Variants in AKAP6 observed in about 807,000 individuals in gnomAD.
AKAP6 encodes A-kinase anchor protein 6.
In AKAP6, 58 loss-of-function variants were observed where a neutral mutation model predicts 188.5. That is an observed-to-expected ratio of 0.31 (90% CI 0.25 to 0.38). The LOEUF (loss-of-function observed/expected upper bound fraction) is 0.38, where lower values mean the gene tolerates loss of function less well. Among genes scored for constraint, AKAP6 ranks in the 10% least tolerant of loss-of-function variants. AKAP6 has a pLI of 1.00. For missense variants in AKAP6, 2,710 were observed against 2,740.0 expected, an observed-to-expected ratio of 0.99 and a Z score of 0.24; for synonymous variants, 989 against 998.6, an observed-to-expected ratio of 0.99 and a Z score of 0.18.
At chr14:32,354,842 A>AGT (rs143130001) in intron 1 of AKAP6, among the ~76,000 whole-genome samples, 9,603 of 152,252 alleles carry the variant, frequency 0.063, 401 homozygotes, top group Non-Finnish European at 0.082. Flanking sequence ...CTGTTTGCCT[A>AGT]GTGTCCTTTT....
chr14:32,786,324 T>TTTTTTTTTTTTTTTTTTTTTTTG (rs1555362343), intron 12 of AKAP6, among the ~76,000 whole-genome samples: 1 of 127,728 alleles, frequency 7.8e-6, no homozygotes. Flanking sequence ...TTTTTTTTTT[T>TTTTTTTTTTTTTTTTTTTTTTTG]TGAGACGGAA....
At chr14:32,401,083 A>C (rs894267592) in intron 1 of AKAP6, among the ~76,000 whole-genome samples, 3 of 152,182 alleles carry the variant, frequency 2.0e-5, no homozygotes, top group Non-Finnish European at 2.9e-5. Flanking sequence ...ATGTAAGGAC[A>C]TGATGCCTAG....
chr14:32,696,542 C>T (rs1275390439), intron 9 of AKAP6, among the ~76,000 whole-genome samples: 1 of 152,176 alleles, frequency 6.6e-6, no homozygotes, highest in Non-Finnish European at 1.5e-5. Flanking sequence ...CTTGCTGCTG[C>T]CAAAGTACAG....
Position 32,767,366 on chromosome 14 carries a change from G to A in AKAP6, c.3373-6312G>A, listed in dbSNP as rs182625978. ...TCTGTCATATCACCCTGTTTTATTT[G>A]ATAGCTTTTAGCACTATCTGATATT... On this transcript the variant is annotated intron_variant, in intron 11 of 13. Coordinates refer to ENST00000280979, the MANE Select transcript of AKAP6 (RefSeq NM_004274.5). Among the ~76,000 whole-genome samples the A allele has an allele frequency of 1.7e-3, 260 of 152,176 alleles. 1 individual carries two copies. Among genetic ancestry groups the A allele is most frequent in the Non-Finnish European group, 2.6e-3 (176 of 67,972 alleles).
intron 1 of AKAP6, among the ~76,000 whole-genome samples, chr14:32,384,138 A>G (rs141434735): frequency 1.1e-4 from 17 of 152,342 alleles, no homozygotes; most frequent in East Asian, 9.6e-4. Flanking sequence ...GGTAAATGCT[A>G]TGATGGCGCA....
At chr14:32,395,783 G>A (rs1408185263) in intron 1 of AKAP6, among the ~76,000 whole-genome samples, 1 of 152,020 alleles carries the variant, frequency 6.6e-6, no homozygotes, top group Non-Finnish European at 1.5e-5. Flanking sequence ...CATTACTTTG[G>A]CATTTGTAAC....
At chr14:32,795,979 A>G (rs1007959888) in intron 12 of AKAP6, among the ~76,000 whole-genome samples, 1 of 152,174 alleles carries the variant, frequency 6.6e-6, no homozygotes, top group Non-Finnish European at 1.5e-5. Flanking sequence ...GCATTTCTAT[A>G]TACCAACAAC....
intron 7 of AKAP6, among the ~76,000 whole-genome samples, chr14:32,645,170 T>C (rs1887932197): frequency 6.6e-6 from 1 of 152,198 alleles, no homozygotes. Flanking sequence ...TGACTCTGTA[T>C]ATAGGAAAAT....
At chr14:32,585,269 A>G (rs1885182658) in intron 5 of AKAP6, among the ~76,000 whole-genome samples, 1 of 152,212 alleles carries the variant, frequency 6.6e-6, no homozygotes. Flanking sequence ...CAGTAAGAAT[A>G]AGTGAAGTCA....
At position 32,822,130 on chromosome 14, in the gene AKAP6, A is replaced by C; in HGVS notation, c.4317A>C (p.Lys1439Asn). ...CACCAGTGGGTTGTGTAAATGGAAA[A>C]GTTGGAGATTTAAACAGTATTACCA... The part of the protein sequence containing the change: ...SISPVGCVNG[K>N]VGDLNSITKH... The change falls in exon 13 of 14, where the codon AAA becomes AAC. Residue 1439 changes from lysine (K) to asparagine (N), a missense_variant. This residue lies in a region of AKAP6 where 2,473 missense variants were observed against 2,426.1 expected (regional missense o/e 1.02). Transcript: ENST00000280979. 6.2e-7 allele frequency: 1 copy of C among 1,613,912 alleles called. No individual in the cohort carries two copies. The highest frequency in any genetic ancestry group is 8.5e-7 in the Non-Finnish European group (1 of 1,179,932).
In AKAP6 at chr14:32,735,796, G is replaced by T. The variant is rs928744113; in HGVS notation, c.3286G>T (p.Asp1096Tyr). 1.9e-6 allele frequency: 3 copies of T among 1,613,412 alleles called. No individual in the cohort carries two copies. Among genetic ancestry groups the T allele is most frequent in the Non-Finnish European group, 1.7e-6 (2 of 1,179,680 alleles). The change falls in exon 11 of 14, where the codon GAT (aspartate) becomes TAT (tyrosine). Residue 1096 changes from aspartate (D) to tyrosine (Y), a missense_variant. This residue lies in a region of AKAP6 where 2,473 missense variants were observed against 2,426.1 expected (regional missense o/e 1.02). Transcript: ENST00000280979. ...RIKELKGWLR[D>Y]TELFIFNSCL... ...CAAAGAACTGAAAGGATGGCTAAGAGATACAGAGCTTTTCATCTTCAATTC... is the reference window on the plus strand; with the variant it reads ...CAAAGAACTGAAAGGATGGCTAAGATATACAGAGCTTTTCATCTTCAATTC...
chr14:32,642,757 A>G (rs1887814698), intron 7 of AKAP6, among the ~76,000 whole-genome samples: 1 of 152,208 alleles, frequency 6.6e-6, no homozygotes, highest in Non-Finnish European at 1.5e-5. Flanking sequence ...GAGAATATGT[A>G]GAGATATATT....
chr14:32,395,512 G>A (rs1050395231), intron 1 of AKAP6, among the ~76,000 whole-genome samples: 7 of 152,084 alleles, frequency 4.6e-5, no homozygotes, highest in Non-Finnish European at 1.0e-4. Context: ...GGTAGATTAG[G>A]TCAACCATAG....
At chr14:32,388,806 G>A (rs1008010897) in intron 1 of AKAP6, among the ~76,000 whole-genome samples, 2 of 152,096 alleles carry the variant, frequency 1.3e-5, no homozygotes, top group African/African-American at 2.4e-5. Flanking sequence ...TCCATGCACT[G>A]TTGAATAGAA....
At chr14:32,792,726 G>A (rs1420469357) in intron 12 of AKAP6, among the ~76,000 whole-genome samples, 1 of 152,118 alleles carries the variant, frequency 6.6e-6, no homozygotes, top group Non-Finnish European at 1.5e-5. Context: ...TCTAGCTTTT[G>A]CCCATTCAAT....
intron 1 of AKAP6, among the ~76,000 whole-genome samples, chr14:32,362,434 A>C (rs1245822688): frequency 6.6e-6 from 1 of 152,200 alleles, no homozygotes; most frequent in Non-Finnish European, 1.5e-5. Flanking sequence ...ACTCTGTCAG[A>C]CTCGGGAAAA....
chr14:32,442,674 AGACAGTT>A (rs2138742026), intron 2 of AKAP6: 1 of 152,108 alleles, frequency 6.6e-6, no homozygotes, highest in South Asian at 2.1e-4. Flanking sequence ...TTCTTACATT[AGACAGTT>A]AAGAGGAACG....
chr14:32,613,606 G>A (rs1269478366), intron 7 of AKAP6, among the ~76,000 whole-genome samples: 1 of 152,248 alleles, frequency 6.6e-6, no homozygotes, highest in East Asian at 1.9e-4. Flanking sequence ...TGATTCTGAT[G>A]CTAAGCGGGC....
At position 32,678,313 on chromosome 14, in the gene AKAP6, T is replaced by C. The variant is rs775657066; in HGVS notation, c.2733T>C (p.Ala911=). ...EDEEGTGSPK[A]EVQLCYLEAQ... is the part of the protein sequence containing the mutation. ...TTTCTCTTTGTTTCTCTTTCCAGGCTGAGGTTCAACTATGCTACCTGGAAG... is the reference window on the plus strand; with the variant it reads ...TTTCTCTTTGTTTCTCTTTCCAGGCCGAGGTTCAACTATGCTACCTGGAAG... Residue 911 remains alanine, a splice_region_variant and synonymous_variant, in exon 8 of 14, where the codon GCT becomes GCC. Coordinates refer to ENST00000280979, the MANE Select transcript of AKAP6 (RefSeq NM_004274.5). 1 of 1,606,098 alleles carries C rather than the reference T, an allele frequency of 6.2e-7. No homozygotes were observed. The highest frequency in any genetic ancestry group is 1.1e-5 in the South Asian group (1 of 90,498).
Sources: gnomAD v4.1 joint callset for allele counts (sites outside exome capture counted in the v4.1 genomes callset) on GRCh38, gnomAD v4.1.1 for gene constraint, gnomAD v4.1.1 regional missense constraint, MANE v1.5 for transcripts, NCBI Gene and HGNC (gene_info 2026-07-23, HGNC 2026-07-21) for gene names.